Variants in SLC12A7 observed in about 807,000 individuals in gnomAD.
SLC12A7 encodes the protein K-Cl cotransporter 4.
In SLC12A7, 100 loss-of-function variants were observed where a neutral mutation model predicts 120.6. The ratio of observed to expected loss-of-function variants is 0.83; its 90% confidence interval spans 0.71 to 0.98. The LOEUF is 0.98. Ranked by LOEUF, SLC12A7 falls within the 50% of genes least tolerant of loss-of-function variation. The pLI, the probability that SLC12A7 is intolerant of heterozygous loss-of-function variation, is 0.00. For synonymous variants in SLC12A7, 760 were observed against 678.0 expected, an observed-to-expected ratio of 1.12 and a Z score of -1.88; for missense variants, 1,373 against 1,548.1, an observed-to-expected ratio of 0.89 and a Z score of 1.90.
chr5:1,111,095 G>GTCCGGACACCTTCTCAGAGAC (rs1742965951), intron 1 of SLC12A7, among the ~76,000 whole-genome samples: 1 of 152,204 alleles, frequency 6.6e-6, no homozygotes, highest in Admixed American at 6.5e-5. Context: ...GCTGGACTGA[G>GTCCGGACACCTTCTCAGAGAC]TCCGGACACC....
intron 8 of SLC12A7, among the ~76,000 whole-genome samples, 178 bp downstream of exon 8, chr5:1,083,567 G>A (rs147758477): frequency 1.4e-4 from 22 of 152,308 alleles, no homozygotes; most frequent in Non-Finnish European, 2.5e-4. Context: ...GGCTTCTATG[G>A]CTCTGCCAGG....
chr5:1,096,872 G>GAAA (rs1741303064), intron 1 of SLC12A7, among the ~76,000 whole-genome samples: 1 of 122,282 alleles, frequency 8.2e-6, no homozygotes, highest in African/African-American at 3.4e-5. Context: ...GATGAAGGGA[G>GAAA]GGAGGGAGGG....
intron 1 of SLC12A7, among the ~76,000 whole-genome samples, chr5:1,108,487 C>A (rs763092691): frequency 3.3e-5 from 5 of 152,202 alleles, no homozygotes; most frequent in Non-Finnish European, 5.9e-5. Context: ...GGCACAGCCG[C>A]GGGGTCAACA....
the SLC12A7 span, among the ~76,000 whole-genome samples, chr5:1,144,484 G>C: frequency 6.6e-6 from 1 of 152,232 alleles, no homozygotes; most frequent in Admixed American, 6.5e-5. Context: ...ATGACAATTT[G>C]GGGGCAGGAA....
At chr5:1,081,443 T>C (rs1739095248) in intron 9 of SLC12A7, 134 bp downstream of exon 9, 2 of 876,062 alleles carry the variant, frequency 2.3e-6, no homozygotes, top group Non-Finnish European at 3.4e-6. Context: ...GGAATATTTG[T>C]GTCTAGGAGT....
the SLC12A7 span, among the ~76,000 whole-genome samples, chr5:1,119,113 G>A: frequency 3.6e-4 from 55 of 152,244 alleles, 1 homozygote; most frequent in African/African-American, 1.2e-3. Context: ...GATGAGAGCC[G>A]ACACAGGCAG....
chr5:1,093,503 A>ACTGGGCGGGGC lies in SLC12A7; in HGVS notation c.342+29_342+30insGCCCCGCCCAG, dbSNP rs776683524. The ACTGGGCGGGGC allele has an allele frequency of 1.2e-5, 19 of 1,562,038 alleles. 1 individual carries two copies. The highest frequency in any genetic ancestry group is 2.0e-4 in the Middle Eastern group (1 of 5,060). On this transcript the variant is annotated intron_variant, in intron 3 of 23. Coordinates refer to ENST00000264930, the MANE Select transcript of SLC12A7 (RefSeq NM_006598.3). ...CCCTGCCGGGACACACGGGGCGGGG[A>ACTGGGCGGGGC]CTGGGCGGGCACGGGCAGGGTGGCA...
At chr5:1,077,002 A>G (rs984110232) in intron 12 of SLC12A7, among the ~76,000 whole-genome samples, 190 bp from the exon 13 acceptor site, 5 of 152,034 alleles carry the variant, frequency 3.3e-5, no homozygotes, top group African/African-American at 9.7e-5. Context: ...GCAGCCCAGG[A>G]GGCTTCAGAG....
At chr5:1,086,881 C>T (rs1739917556) in intron 6 of SLC12A7, 22 bp downstream of exon 6, 1 of 1,610,268 alleles carries the variant, frequency 6.2e-7, no homozygotes, top group Admixed American at 1.7e-5. Flanking sequence ...GGGTGGGAAC[C>T]CTTCCAAAGC....
intron 1 of SLC12A7, among the ~76,000 whole-genome samples, chr5:1,103,417 CAG>C (rs1742198754): frequency 6.6e-6 from 1 of 151,988 alleles, no homozygotes; most frequent in African/African-American, 2.4e-5. Flanking sequence ...ACACACGCCA[CAG>C]AAAATATACA....
the SLC12A7 span, among the ~76,000 whole-genome samples, chr5:1,140,448 T>G: frequency 6.6e-6 from 1 of 152,140 alleles, no homozygotes; most frequent in Non-Finnish European, 1.5e-5. Context: ...CAGGTGCAGC[T>G]CCAGCGAGGC....
chr5:1,092,665 TG>T (rs1262549579), intron 3 of SLC12A7, among the ~76,000 whole-genome samples: 1 of 152,064 alleles, frequency 6.6e-6, no homozygotes, highest in African/African-American at 2.4e-5. Context: ...GTGTCAAGAC[TG>T]GGGGAGGCCG....
intron 16 of SLC12A7, 91 bp downstream of exon 16, chr5:1,074,476 C>T: frequency 8.4e-7 from 1 of 1,183,442 alleles, no homozygotes; most frequent in Non-Finnish European, 1.2e-6. Context: ...AGGTGAGAGG[C>T]CCCTGAGACT....
chr5:1,056,834 G>A (rs952820803), intron 22 of SLC12A7, among the ~76,000 whole-genome samples: 7 of 152,162 alleles, frequency 4.6e-5, no homozygotes, highest in African/African-American at 1.7e-4. Flanking sequence ...ACCCACACCC[G>A]CAAGGACCCT....
chr5:1,148,139 C>T, the SLC12A7 span, among the ~76,000 whole-genome samples: 1 of 151,632 alleles, frequency 6.6e-6, no homozygotes, highest in Admixed American at 6.6e-5. Context: ...CACATTGGCT[C>T]AGAATAAACC....
the SLC12A7 span, among the ~76,000 whole-genome samples, chr5:1,152,242 A>T: frequency 6.6e-6 from 1 of 152,134 alleles, no homozygotes; most frequent in African/African-American, 2.4e-5. Flanking sequence ...TCTGCCCTGC[A>T]CACCCGGCCA....
At chr5:1,073,518 A>G in intron 17 of SLC12A7, 115 bp downstream of exon 17, 1 of 1,182,400 alleles carries the variant, frequency 8.5e-7, no homozygotes, top group East Asian at 2.7e-5. Flanking sequence ...GCTAAAACAC[A>G]GCAGCGCCAC....
rs368985127 is a variant in SLC12A7, at chr5:1,052,317, C to T, written c.*43G>A. The T allele has an allele frequency of 6.2e-5, 95 of 1,543,080 alleles. No individual in the cohort carries two copies. The Admixed American group carries it at 9.5e-4, about 15-fold the overall frequency. ...AAGCCCAGGCCCAGGCTGCCCACGC[C>T]GTCCTCCGTGCCTGTCCCAGAGTGC... On this transcript the variant is annotated 3_prime_UTR_variant, in exon 24 of 24. Transcript: ENST00000264930.
At position 1,068,883 on chromosome 5, in the gene SLC12A7, G is replaced by A. The variant is rs527255774; in HGVS notation, c.2242-3405C>T. Among the ~76,000 whole-genome samples the A allele has an allele frequency of 2.0e-4, 31 of 152,346 alleles. No individual in the cohort carries two copies. The South Asian group carries it at 6.4e-3, about 32-fold the overall frequency. ...TGCCCTGTCCCTCGTGCGCACAGAC[G>A]CGCCCTCACACACCTCCAGGGAGGC... On this transcript the variant is annotated intron_variant, in intron 17 of 23. Coordinates refer to ENST00000264930, the MANE Select transcript of SLC12A7 (RefSeq NM_006598.3).
Sources: allele counts gnomAD v4.1 joint callset (sites outside exome capture counted in the v4.1 genomes callset), GRCh38; gene constraint gnomAD v4.1.1; transcripts MANE v1.5; gene names NCBI Gene and HGNC (gene_info 2026-07-23, HGNC 2026-07-21).